HS3ST5: variants seen among roughly 807,000 people sequenced by gnomAD.
The protein encoded by HS3ST5 is heparan sulfate glucosamine 3-O-sulfotransferase 5.
A neutral mutation model predicts 25.4 loss-of-function variants in HS3ST5; 10 were observed. The ratio of observed to expected loss-of-function variants is 0.39; its 90% confidence interval spans 0.24 to 0.67. The LOEUF is 0.67. HS3ST5 is among the 30% of genes least tolerant of loss of function. The pLI is 0.44. For missense variants in HS3ST5, 324 were observed against 420.7 expected (o/e 0.77, Z 2.01); for synonymous variants, 170 against 162.4 (o/e 1.05, Z -0.36).
At position 114,319,459 on chromosome 6, in the gene HS3ST5, C is replaced by A. The variant is rs1175635214; in HGVS notation, c.-339+22736G>T. Among the ~76,000 whole-genome samples the A allele has an allele frequency of 4.6e-5, 7 of 152,198 alleles. No homozygotes were observed. In the East Asian group the frequency reaches 1.4e-3, roughly 29 times the overall value. On this transcript the variant is annotated intron_variant, in intron 1 of 4. Transcript: ENST00000312719. ...GTCTATGGCTATGTCTTGCTGATGC[C>A]TTGTGAAGGCCATTTTGGAAGTCTT...
chr6:114,311,539 C>CTTTTTTTT (rs11463610), intron 1 of HS3ST5, among the ~76,000 whole-genome samples: 31 of 84,890 alleles, frequency 3.7e-4, no homozygotes, highest in African/African-American at 4.2e-4. Flanking sequence ...TTCTCTCTCT[C>CTTTTTTTT]TTTTTTTTTT....
intron 3 of HS3ST5, among the ~76,000 whole-genome samples, chr6:114,147,358 G>A (rs1377279891): frequency 1.3e-5 from 2 of 152,150 alleles, no homozygotes; most frequent in African/African-American, 2.4e-5. Context: ...CTGAAGTGAT[G>A]TGTGCAACTT....
intron 3 of HS3ST5, among the ~76,000 whole-genome samples, chr6:114,079,702 A>G (rs1774340470): frequency 2.0e-5 from 3 of 152,284 alleles, no homozygotes; most frequent in South Asian, 2.1e-4. Context: ...AAGGTGTTCA[A>G]TTTGCTTTGC....
intron 3 of HS3ST5, among the ~76,000 whole-genome samples, chr6:114,106,041 C>T (rs1271885188): frequency 1.3e-5 from 2 of 152,052 alleles, no homozygotes; most frequent in African/African-American, 4.8e-5. Flanking sequence ...CTTAATGCTC[C>T]AAGTGTTCTT....
chr6:114,154,285 A>T (rs1169823056), intron 3 of HS3ST5, among the ~76,000 whole-genome samples: 5 of 152,060 alleles, frequency 3.3e-5, no homozygotes, highest in African/African-American at 1.2e-4. Context: ...AAGCATGCTT[A>T]TTTTCTGATC....
chr6:114,292,853 C>T (rs1014545214), intron 1 of HS3ST5, among the ~76,000 whole-genome samples: 1 of 152,116 alleles, frequency 6.6e-6, no homozygotes, highest in Non-Finnish European at 1.5e-5. Context: ...ACTTATAAGA[C>T]CCAACATAAT....
In HS3ST5 at chr6:114,186,038, G is replaced by A. The variant is rs148474941; in HGVS notation, c.-144-17576C>T. 2.7e-3 allele frequency among the ~76,000 whole-genome samples: 406 copies of A among 152,090 alleles called. 2 individuals carry two copies. Among genetic ancestry groups the A allele is most frequent in the African/African-American group, 9.6e-3 (398 of 41,468 alleles). ...AAGGCAGAGAACTTAATCAATAAATGTTGGGTATTCTGACTGCTCCAATCA... is the reference window on the plus strand; with the variant it reads ...AAGGCAGAGAACTTAATCAATAAATATTGGGTATTCTGACTGCTCCAATCA... On this transcript the variant is annotated intron_variant, in intron 2 of 4. Transcript: ENST00000312719.
intron 2 of HS3ST5, among the ~76,000 whole-genome samples, chr6:114,197,389 G>GT (rs2114344467): frequency 6.6e-6 from 1 of 151,956 alleles, no homozygotes; most frequent in South Asian, 2.1e-4. Context: ...AGTCTAAAAC[G>GT]TTTTCCAACT....
intron 3 of HS3ST5, among the ~76,000 whole-genome samples, chr6:114,160,159 A>G (rs1778876851): frequency 6.6e-6 from 1 of 152,186 alleles, no homozygotes; most frequent in Non-Finnish European, 1.5e-5. Context: ...GATGCCTGGC[A>G]GCAATAGGCG....
chr6:114,258,772 T>A (rs575712032), intron 1 of HS3ST5, among the ~76,000 whole-genome samples: 2 of 152,336 alleles, frequency 1.3e-5, no homozygotes, highest in East Asian at 3.9e-4. Context: ...GTCCCTGGTT[T>A]TGATCTTCTA....
chr6:114,299,390 G>A (rs750803545), intron 1 of HS3ST5, among the ~76,000 whole-genome samples: 1 of 152,098 alleles, frequency 6.6e-6, no homozygotes, highest in African/African-American at 2.4e-5. Context: ...CTGTGATCTC[G>A]CACTGCCTCC....
chr6:114,322,301 G>T (rs913364237), intron 1 of HS3ST5, among the ~76,000 whole-genome samples: 1 of 152,066 alleles, frequency 6.6e-6, no homozygotes, highest in African/African-American at 2.4e-5. Context: ...GTCTGTGGTA[G>T]CCAACTGGCT....
chr6:114,324,871 C>G (rs1017918847), intron 1 of HS3ST5, among the ~76,000 whole-genome samples: 6 of 152,114 alleles, frequency 3.9e-5, no homozygotes, highest in Non-Finnish European at 8.8e-5. Flanking sequence ...TTGCGGATAA[C>G]GTGTCTCACT....
chr6:114,263,258 C>A (rs1035768831), intron 1 of HS3ST5, among the ~76,000 whole-genome samples: 7 of 151,868 alleles, frequency 4.6e-5, no homozygotes, highest in Admixed American at 1.3e-4. Flanking sequence ...TAAAATGTTT[C>A]AAGATTTTTA....
chr6:114,105,549 A>G (rs1385039242), intron 3 of HS3ST5, among the ~76,000 whole-genome samples: 2 of 152,190 alleles, frequency 1.3e-5, no homozygotes, highest in Non-Finnish European at 2.9e-5. Context: ...TGATCGGGAA[A>G]TGTAACCACA....
chr6:114,105,211 C>T lies in HS3ST5; in HGVS notation c.-32-42334G>A, dbSNP rs299415. 4.3e-3 allele frequency among the ~76,000 whole-genome samples: 656 copies of T among 152,212 alleles called. 6 individuals carry two copies. Among genetic ancestry groups the T allele is most frequent in the African/African-American group, 0.015 (614 of 41,534 alleles). ...AAATGTCTATGGACAGCTTCAGGAG[C>T]GCTGAAAAGTGATATATAATCCCTC... is the stretch of plus-strand genomic sequence containing the variant. On this transcript the variant is annotated intron_variant, in intron 3 of 4. Coordinates refer to ENST00000312719, the MANE Select transcript of HS3ST5 (RefSeq NM_153612.4).
intron 1 of HS3ST5, among the ~76,000 whole-genome samples, chr6:114,254,728 C>T (rs1772824339): frequency 6.6e-6 from 1 of 152,058 alleles, no homozygotes; most frequent in Admixed American, 6.6e-5. Flanking sequence ...AACATGAGAA[C>T]CAAGTGAAAG....
intron 1 of HS3ST5, among the ~76,000 whole-genome samples, chr6:114,258,429 C>G (rs1773027285): frequency 1.3e-5 from 2 of 152,188 alleles, no homozygotes; most frequent in African/African-American, 4.8e-5. Flanking sequence ...TGATGACAAA[C>G]AGCAGCATAG....
chr6:114,096,589 C>T (rs148615527), intron 3 of HS3ST5, among the ~76,000 whole-genome samples: 77 of 152,112 alleles, frequency 5.1e-4, no homozygotes, highest in Admixed American at 2.2e-3. Context: ...ATGCCATAAA[C>T]GTGCACAATT....
Sources: allele counts gnomAD v4.1 joint callset (sites outside exome capture counted in the v4.1 genomes callset), GRCh38; gene constraint gnomAD v4.1.1; transcripts MANE v1.5; gene names NCBI Gene and HGNC (gene_info 2026-07-23, HGNC 2026-07-21).